TBC1D22A: variants seen among roughly 807,000 people sequenced by gnomAD.
TBC1D22A encodes TBC1 domain family member 22A, also known as putative GTPase activator.
TBC1D22A carries 38 observed loss-of-function variants against 60.2 expected under a neutral mutation model. The ratio of observed to expected loss-of-function variants is 0.63; its 90% confidence interval spans 0.49 to 0.83. TBC1D22A has a LOEUF of 0.83. Ranked by LOEUF, TBC1D22A falls within the 40% of genes least tolerant of loss-of-function variation. The pLI is 0.00. For synonymous variants in TBC1D22A, 302 were observed against 281.7 expected, an observed-to-expected ratio of 1.07 and a Z score of -0.72; for missense variants, 628 against 701.0, an observed-to-expected ratio of 0.90 and a Z score of 1.18.
intron 9 of TBC1D22A, among the ~76,000 whole-genome samples, chr22:46,994,915 A>G (rs2075067201): frequency 6.6e-6 from 1 of 152,250 alleles, no homozygotes; most frequent in Non-Finnish European, 1.5e-5. Flanking sequence ...AGTCAAAGGA[A>G]TTCAAGTCTG....
chr22:47,088,037 C>T (rs901038102), intron 11 of TBC1D22A, among the ~76,000 whole-genome samples: 4 of 151,938 alleles, frequency 2.6e-5, no homozygotes, highest in Admixed American at 6.6e-5. Context: ...TGCGCCACTG[C>T]ACTCCAGCCT....
At chr22:46,786,067 C>T (rs1555889980) in intron 1 of TBC1D22A, among the ~76,000 whole-genome samples, 1 of 152,214 alleles carries the variant, frequency 6.6e-6, no homozygotes, top group Non-Finnish European at 1.5e-5. Flanking sequence ...CAGGCATGAG[C>T]CACCTCTCAT....
At chr22:47,167,243 G>A (rs914149837) in intron 12 of TBC1D22A, among the ~76,000 whole-genome samples, 3 of 152,248 alleles carry the variant, frequency 2.0e-5, no homozygotes, top group African/African-American at 7.2e-5. Flanking sequence ...CAGGTGCACA[G>A]CGGGGAACCT....
At chr22:46,982,998 C>T (rs1246054297) in intron 9 of TBC1D22A, among the ~76,000 whole-genome samples, 1 of 152,174 alleles carries the variant, frequency 6.6e-6, no homozygotes, top group Non-Finnish European at 1.5e-5. Flanking sequence ...TGTGGCACCG[C>T]AGTAAGAAGC....
chr22:47,105,994 G>A (rs1026888363), intron 11 of TBC1D22A, among the ~76,000 whole-genome samples: 2 of 152,154 alleles, frequency 1.3e-5, no homozygotes, highest in Non-Finnish European at 2.9e-5. Flanking sequence ...GGAAGAAGGA[G>A]GAGTAACTAT....
At chr22:46,890,134 A>C (rs2068321812) in intron 5 of TBC1D22A, among the ~76,000 whole-genome samples, 1 of 152,004 alleles carries the variant, frequency 6.6e-6, no homozygotes, top group East Asian at 1.9e-4. Flanking sequence ...TCACGAGGTC[A>C]AGAGATTGAG....
chr22:47,122,784 C>T (rs1183307398), intron 12 of TBC1D22A, among the ~76,000 whole-genome samples: 1 of 152,240 alleles, frequency 6.6e-6, no homozygotes, highest in African/African-American at 2.4e-5. Flanking sequence ...TCCCTCCTCA[C>T]CCGTCCCCTG....
intron 10 of TBC1D22A, among the ~76,000 whole-genome samples, chr22:47,026,398 G>A (rs926738313): frequency 1.2e-4 from 18 of 152,122 alleles, no homozygotes; most frequent in African/African-American, 4.3e-4. Flanking sequence ...AGACAAAAAC[G>A]TACATTCATT....
chr22:46,794,789 C>T (rs1315652648), intron 3 of TBC1D22A, among the ~76,000 whole-genome samples: 5 of 152,144 alleles, frequency 3.3e-5, no homozygotes, highest in East Asian at 1.9e-4. Context: ...AGGGTGTCTT[C>T]GTGTCAGTGG....
At chr22:46,895,667 C>T (rs955625462) in intron 7 of TBC1D22A, among the ~76,000 whole-genome samples, 4 of 152,150 alleles carry the variant, frequency 2.6e-5, no homozygotes, top group Non-Finnish European at 4.4e-5. Flanking sequence ...CCACGGCGCC[C>T]GGCGTCTCTC....
At chr22:46,806,885 T>G (rs191478881) in intron 4 of TBC1D22A, among the ~76,000 whole-genome samples, 1 of 152,100 alleles carries the variant, frequency 6.6e-6, no homozygotes, top group Non-Finnish European at 1.5e-5. Context: ...AATTATGGAA[T>G]TGGGTTTGCT....
intron 1 of TBC1D22A, among the ~76,000 whole-genome samples, chr22:46,781,141 T>TG (rs66556374): frequency 5.3e-5 from 1 of 18,832 alleles, no homozygotes; most frequent in Non-Finnish European, 1.5e-4. Context: ...CCCAATTTTG[T>TG]TTTTTTTTTT....
At chr22:46,880,025 A>G (rs1292012579) in intron 5 of TBC1D22A, among the ~76,000 whole-genome samples, 3 of 152,212 alleles carry the variant, frequency 2.0e-5, no homozygotes, top group Non-Finnish European at 2.9e-5. Context: ...AGTCTGACCC[A>G]GGAACCCCGG....
At chr22:47,130,159 A>G (rs577143955) in intron 12 of TBC1D22A, among the ~76,000 whole-genome samples, 2 of 152,280 alleles carry the variant, frequency 1.3e-5, no homozygotes, top group Admixed American at 6.5e-5. Context: ...GGTGTCACCA[A>G]TCATCTCCCT....
At chr22:46,959,687 C>T (rs136090) in intron 8 of TBC1D22A, among the ~76,000 whole-genome samples, 61,752 of 151,758 alleles carry the variant, frequency 0.41, 13,994 homozygotes, top group African/African-American at 0.62. Context: ...ACTCTGATTC[C>T]GCTTGGTCAG....
chr22:47,086,369 C>A (rs535093746), intron 11 of TBC1D22A, among the ~76,000 whole-genome samples: 1 of 152,116 alleles, frequency 6.6e-6, no homozygotes, highest in African/African-American at 2.4e-5. Context: ...GCAGGAGAAT[C>A]GCTTGAACCT....
intron 12 of TBC1D22A, among the ~76,000 whole-genome samples, chr22:47,135,921 C>T (rs1414022589): frequency 1.3e-5 from 2 of 152,030 alleles, no homozygotes; most frequent in African/African-American, 4.8e-5. Flanking sequence ...GTGCCATGTG[C>T]CAGGACCACC....
At chr22:47,115,567 C>T (rs541765045) in intron 12 of TBC1D22A, among the ~76,000 whole-genome samples, 77 of 152,328 alleles carry the variant, frequency 5.1e-4, no homozygotes, top group African/African-American at 1.8e-3. Context: ...GCTTGGTGCC[C>T]TCTACCCCGT....
chr22:47,124,597 C>G (rs1601590886), intron 12 of TBC1D22A, among the ~76,000 whole-genome samples: 1 of 152,208 alleles, frequency 6.6e-6, no homozygotes, highest in African/African-American at 2.4e-5. Context: ...GTTGGCAAAT[C>G]AGCTGGGCAC....
Sources: allele counts gnomAD v4.1 joint callset (sites outside exome capture counted in the v4.1 genomes callset), GRCh38; gene constraint gnomAD v4.1.1; transcripts MANE v1.5; gene names NCBI Gene and HGNC (gene_info 2026-07-23, HGNC 2026-07-21).